PDE1A: variants seen among roughly 807,000 people sequenced by gnomAD.
PDE1A encodes dual specificity calcium/calmodulin-dependent 3',5'-cyclic nucleotide phosphodiesterase 1A.
A neutral mutation model predicts 61.7 loss-of-function variants in PDE1A; 35 were observed. The observed-to-expected ratio is 0.57, with a 90% CI of 0.43 to 0.75. PDE1A has a LOEUF of 0.75. Ranked by LOEUF, PDE1A falls within the 30% of genes least tolerant of loss-of-function variation. The pLI, the probability that PDE1A is intolerant of heterozygous loss-of-function variation, is 0.00. For missense variants in PDE1A, 597 were observed against 630.6 expected (o/e 0.95, Z 0.57); for synonymous variants, 232 against 213.2 (o/e 1.09, Z -0.77).
intron 1 of PDE1A, among the ~76,000 whole-genome samples, chr2:182,360,374 T>C (rs187139331): frequency 1.3e-5 from 2 of 152,206 alleles, no homozygotes; most frequent in Admixed American, 1.3e-4. Flanking sequence ...CCGTTTAATC[T>C]AACTCAGTTT....
intron 13 of PDE1A, among the ~76,000 whole-genome samples, chr2:182,150,418 G>A (rs943257461): frequency 9.9e-5 from 15 of 152,242 alleles, no homozygotes; most frequent in Admixed American, 9.8e-4. Context: ...AAGAAGACCA[G>A]TAACGTCACT....
At chr2:182,195,733 C>T (rs3769786) in intron 10 of PDE1A, among the ~76,000 whole-genome samples, 2,528 of 152,024 alleles carry the variant, frequency 0.017, 175 homozygotes, top group Admixed American at 0.13. Context: ...TTTCACTGTC[C>T]GAGATGAAAA....
At chr2:182,403,631 T>TAC (rs1050931160) in intron 1 of PDE1A, among the ~76,000 whole-genome samples, 6 of 143,264 alleles carry the variant, frequency 4.2e-5, no homozygotes, top group African/African-American at 1.6e-4. Context: ...GTGGCACATA[T>TAC]ACACCATGGA....
the PDE1A span, among the ~76,000 whole-genome samples, chr2:182,577,638 A>C: frequency 1.3e-5 from 2 of 152,236 alleles, no homozygotes. Flanking sequence ...TCACCTCTAA[A>C]ATTGCACTCA....
chr2:182,627,003 ATATATT>A, the PDE1A span, among the ~76,000 whole-genome samples: 6 of 66,464 alleles, frequency 9.0e-5, 1 homozygote, highest in East Asian at 4.7e-4. Flanking sequence ...GTCTTTATAT[ATATATT>A]TATATTTATA....
At chr2:182,348,102 G>T (rs1007282234) in intron 1 of PDE1A, among the ~76,000 whole-genome samples, 1 of 152,116 alleles carries the variant, frequency 6.6e-6, no homozygotes, top group African/African-American at 2.4e-5. Context: ...CAGCATTTTT[G>T]TCATTTATTT....
intron 2 of PDE1A, among the ~76,000 whole-genome samples, chr2:182,252,411 T>G (rs1691465715): frequency 6.6e-6 from 1 of 152,132 alleles, no homozygotes. Context: ...AAGTTGTAAA[T>G]GACACACAAT....
rs59165597 is a variant in PDE1A, at chr2:182,467,435, T to C, written c.101+54841A>G. On this transcript the variant is annotated intron_variant, in intron 2 of 14. Transcript: ENST00000410103. Reference sequence around the variant, plus strand: ...TTAAAACCTTCCCAAAAGGAAAACATTGGACCCAGATAGCTTCAATGGGGA... The same window carrying C: ...TTAAAACCTTCCCAAAAGGAAAACACTGGACCCAGATAGCTTCAATGGGGA... Among the ~76,000 whole-genome samples the C allele has an allele frequency of 3.5e-3, 527 of 152,028 alleles. 14 individuals carry two copies. In the East Asian group the frequency reaches 0.048, roughly 14 times the overall value.
chr2:182,644,760 C>A, the PDE1A span, among the ~76,000 whole-genome samples: 3 of 152,116 alleles, frequency 2.0e-5, no homozygotes, highest in East Asian at 5.8e-4. Context: ...GAATGACTAG[C>A]ACATGGTTCC....
intron 2 of PDE1A, among the ~76,000 whole-genome samples, chr2:182,489,404 C>A (rs1298222798): frequency 4.6e-5 from 7 of 152,230 alleles, no homozygotes; most frequent in African/African-American, 1.7e-4. Flanking sequence ...CATGATCTAG[C>A]TTCCTCTGTA....
At chr2:182,661,216 A>T in the PDE1A span, among the ~76,000 whole-genome samples, 1 of 152,220 alleles carries the variant, frequency 6.6e-6, no homozygotes, top group Non-Finnish European at 1.5e-5. Flanking sequence ...TAAATATTCA[A>T]GTTGACATAT....
At chr2:182,422,621 A>C (rs979029076) in intron 1 of PDE1A, among the ~76,000 whole-genome samples, 1 of 152,250 alleles carries the variant, frequency 6.6e-6, no homozygotes, top group Non-Finnish European at 1.5e-5. Flanking sequence ...AATGTCTTCA[A>C]CAATTATTTT....
At chr2:182,574,457 T>C in the PDE1A span, among the ~76,000 whole-genome samples, 2 of 152,154 alleles carry the variant, frequency 1.3e-5, no homozygotes, top group African/African-American at 4.8e-5. Flanking sequence ...AATAATGTCA[T>C]AATTACACCT....
chr2:182,612,934 G>GT, the PDE1A span, among the ~76,000 whole-genome samples: 5 of 152,148 alleles, frequency 3.3e-5, no homozygotes, highest in Admixed American at 1.3e-4. Context: ...CGTTTTTGCA[G>GT]TTTTTTTATC....
chr2:182,451,776 C>T (rs888628021), intron 2 of PDE1A, among the ~76,000 whole-genome samples: 15 of 152,020 alleles, frequency 9.9e-5, no homozygotes, highest in African/African-American at 3.6e-4. Flanking sequence ...GTACCGCTTC[C>T]CATGCAGCTC....
At chr2:182,707,606 C>T in the PDE1A span, among the ~76,000 whole-genome samples, 1 of 152,068 alleles carries the variant, frequency 6.6e-6, no homozygotes, top group African/African-American at 2.4e-5. Flanking sequence ...CTGAATGGTC[C>T]TATATCTAGC....
chr2:182,517,983 G>A (rs1208373917), intron 2 of PDE1A, among the ~76,000 whole-genome samples: 24 of 152,176 alleles, frequency 1.6e-4, no homozygotes, highest in Admixed American at 1.6e-3. Context: ...GGGGTGGTAA[G>A]CAATGTTTCT....
In PDE1A at chr2:182,186,093, C is replaced by A. The variant is rs1304555364; in HGVS notation, c.1329-14G>T. 1.2e-6 allele frequency: 2 copies of A among 1,609,202 alleles called. No individual in the cohort carries two copies. The highest frequency in any genetic ancestry group is 1.7e-5 in the Admixed American group (1 of 59,398). On this transcript the variant is annotated splice_polypyrimidine_tract_variant and intron_variant, in intron 12 of 13. Coordinates refer to ENST00000351439, the Ensembl canonical transcript of PDE1A. ...ATGGTGGTTGAGCTAACAGTAACAACCAAAGAAACCAAAAAACACCATCAG... is the reference window on the plus strand; with the variant it reads ...ATGGTGGTTGAGCTAACAGTAACAAACAAAGAAACCAAAAAACACCATCAG...
At position 182,483,512 on chromosome 2, in the gene PDE1A, C is replaced by T. The variant is rs910815499; in HGVS notation, c.101+38764G>A. 5.3e-5 allele frequency among the ~76,000 whole-genome samples: 8 copies of T among 151,714 alleles called. No homozygotes were observed. The East Asian group carries it at 1.5e-3, about 29-fold the overall frequency. ...CTGACAACATAAAGAAATTTAGGGA[C>T]TCCACAAATACATAAAAAACAAACA... On this transcript the variant is annotated intron_variant, in intron 2 of 14. Transcript: ENST00000410103.
Sources: allele counts gnomAD v4.1 joint callset (sites outside exome capture counted in the v4.1 genomes callset), GRCh38; gene constraint gnomAD v4.1.1; transcripts MANE v1.5; gene names NCBI Gene and HGNC (gene_info 2026-07-23, HGNC 2026-07-21).